KCNIP1: variants seen among roughly 807,000 people sequenced by gnomAD.
KCNIP1 encodes potassium voltage-gated channel interacting protein 1.
In KCNIP1, 18 loss-of-function variants were observed where a neutral mutation model predicts 33.0. The ratio of observed to expected loss-of-function variants is 0.55; its 90% CI spans 0.38 to 0.81. KCNIP1 has a LOEUF of 0.81. Ranked by LOEUF, KCNIP1 falls within the 30% of genes least tolerant of loss-of-function variation. KCNIP1 has a pLI of 0.00. For missense variants in KCNIP1, 238 were observed against 271.6 expected (o/e 0.88, Z 0.87); for synonymous variants, 93 against 98.3 (o/e 0.95, Z 0.32).
chr5:170,447,765 T>C (rs543582872), intron 1 of KCNIP1, among the ~76,000 whole-genome samples: 1 of 151,962 alleles, frequency 6.6e-6, no homozygotes. Context: ...AATCGATCCC[T>C]TTTCTGCTTG....
chr5:170,718,092 C>A (rs768699541), intron 1 of KCNIP1, among the ~76,000 whole-genome samples: 17 of 152,134 alleles, frequency 1.1e-4, no homozygotes, highest in Admixed American at 2.0e-4. Flanking sequence ...ACATTATAGT[C>A]CATAAGGGAG....
chr5:170,691,705 C>A lies in KCNIP1; in HGVS notation c.62-27053C>A, dbSNP rs555667501. On this transcript the variant is annotated intron_variant, in intron 1 of 7. Transcript: ENST00000328939. ...ATGTGGCCCACAGGCAGCTGGTGGG[C>A]ACAACCACACTGGTTCAGCATTGCC... 2.0e-5 allele frequency among the ~76,000 whole-genome samples: 3 copies of A among 152,260 alleles called. No homozygotes were observed. In the South Asian group the frequency reaches 6.2e-4, roughly 32 times the overall value.
At chr5:170,635,006 T>C (rs1454207509) in intron 1 of KCNIP1, among the ~76,000 whole-genome samples, 4 of 152,214 alleles carry the variant, frequency 2.6e-5, no homozygotes, top group Admixed American at 1.3e-4. Flanking sequence ...TATATAAATG[T>C]AATAAGAAAA....
chr5:170,387,130 T>A (rs1048952858), intron 1 of KCNIP1, among the ~76,000 whole-genome samples: 3 of 152,146 alleles, frequency 2.0e-5, no homozygotes, highest in Non-Finnish European at 4.4e-5. Flanking sequence ...CAGAGTCCAT[T>A]TCTACCAAAA....
At chr5:170,451,725 G>C (rs978070758) in intron 1 of KCNIP1, among the ~76,000 whole-genome samples, 7 of 95,420 alleles carry the variant, frequency 7.3e-5, no homozygotes, top group Non-Finnish European at 1.4e-4. Flanking sequence ...CTCCTGCATT[G>C]TGTGTGTGTG....
At chr5:170,463,718 T>C (rs1316603454) in intron 1 of KCNIP1, among the ~76,000 whole-genome samples, 1 of 152,062 alleles carries the variant, frequency 6.6e-6, no homozygotes, top group Non-Finnish European at 1.5e-5. Flanking sequence ...ATATGATAAA[T>C]AATGGTAAAA....
intron 1 of KCNIP1, among the ~76,000 whole-genome samples, chr5:170,671,992 TG>T (rs1761944923): frequency 6.6e-6 from 1 of 152,234 alleles, no homozygotes; most frequent in African/African-American, 2.4e-5. Context: ...TGCAGTTTTA[TG>T]GATGTGGAGA....
In KCNIP1 at chr5:170,714,028, A is replaced by G. The variant is rs190102142; in HGVS notation, c.62-4730A>G. Among the ~76,000 whole-genome samples the G allele has an allele frequency of 3.4e-3, 511 of 152,184 alleles. 3 individuals carry two copies. The highest frequency in any genetic ancestry group is 0.012 in the African/African-American group (489 of 41,528). The stretch of plus-strand genomic sequence containing the variant: ...AACAAGAGCAAAAATCCATCTTAAA[A>G]AAAAAAAAAAGCTAGATGGGTAAGT... On this transcript the variant is annotated intron_variant, in intron 1 of 7. Transcript: ENST00000328939.
chr5:170,706,314 A>G (rs571911085), intron 1 of KCNIP1, among the ~76,000 whole-genome samples: 2 of 152,330 alleles, frequency 1.3e-5, no homozygotes, highest in East Asian at 3.9e-4. Context: ...CAGCTATTCT[A>G]AAACAGTAGC....
At chr5:170,604,659 G>A (rs1297498291) in intron 1 of KCNIP1, among the ~76,000 whole-genome samples, 2 of 151,656 alleles carry the variant, frequency 1.3e-5, no homozygotes, top group African/African-American at 4.9e-5. Context: ...CTCCTGGTAT[G>A]TAGTGGAAGC....
intron 1 of KCNIP1, among the ~76,000 whole-genome samples, chr5:170,655,020 T>C (rs1761203494): frequency 6.6e-6 from 1 of 152,162 alleles, no homozygotes; most frequent in Non-Finnish European, 1.5e-5. Flanking sequence ...AAAATAAGGA[T>C]CTGTAAGTTG....
intron 1 of KCNIP1, among the ~76,000 whole-genome samples, chr5:170,648,904 G>A (rs186114448): frequency 6.6e-6 from 1 of 152,212 alleles, no homozygotes; most frequent in Admixed American, 6.5e-5. Context: ...ATTTTGCAGT[G>A]AGCCTAAAAC....
intron 1 of KCNIP1, among the ~76,000 whole-genome samples, chr5:170,446,469 A>C (rs983828452): frequency 6.6e-6 from 1 of 150,596 alleles, no homozygotes. Flanking sequence ...CACCTCCCCT[A>C]CTTCTTTTTT....
intron 1 of KCNIP1, among the ~76,000 whole-genome samples, chr5:170,587,556 G>A (rs1401108494): frequency 2.0e-5 from 3 of 152,050 alleles, no homozygotes; most frequent in Non-Finnish European, 4.4e-5. Context: ...GGGGCTCCAG[G>A]GGAAAGTGTT....
At chr5:170,372,654 G>C (rs1420340200) in intron 1 of KCNIP1, among the ~76,000 whole-genome samples, 3 of 152,148 alleles carry the variant, frequency 2.0e-5, no homozygotes, top group Admixed American at 2.0e-4. Context: ...AGACAACAGA[G>C]AGTTCAAGCA....
chr5:170,532,431 T>C (rs1171042424), intron 1 of KCNIP1, among the ~76,000 whole-genome samples: 1 of 152,200 alleles, frequency 6.6e-6, no homozygotes, highest in Non-Finnish European at 1.5e-5. Context: ...TCGACTCCCC[T>C]CATCTCAGAT....
chr5:170,457,509 C>A (rs568792070), intron 1 of KCNIP1, among the ~76,000 whole-genome samples: 15 of 152,336 alleles, frequency 9.8e-5, no homozygotes, highest in African/African-American at 3.1e-4. Context: ...AGATGGTTTG[C>A]ATCACAGGAC....
rs1462897434 is a variant in KCNIP1 at position 170,485,309 on chromosome 5, G to A, written c.88+131345G>A. ...GGCCTCTGGTCTTGGGCCTGGAAGG[G>A]AGTCCCATCCTCCCTCCCTCAGCTG... On this transcript the variant is annotated intron_variant, in intron 1 of 7. Transcript: ENST00000377360. Among the ~76,000 whole-genome samples the A allele has an allele frequency of 2.0e-5, 3 of 152,164 alleles. No individual in the cohort carries two copies. In the East Asian group the frequency reaches 5.8e-4, roughly 29 times the overall value.
chr5:170,712,864 G>C, intron 1 of KCNIP1: 1 of 1,614,006 alleles, frequency 6.2e-7, no homozygotes, highest in Non-Finnish European at 8.5e-7. Flanking sequence ...ACATCGCCTG[G>C]TGGTATTACC....
Sources: allele counts gnomAD v4.1 joint callset (sites outside exome capture counted in the v4.1 genomes callset), GRCh38; gene constraint gnomAD v4.1.1; transcripts MANE v1.5; gene names NCBI Gene and HGNC (gene_info 2026-07-23, HGNC 2026-07-21).